ELP4: variants seen among roughly 807,000 people sequenced by gnomAD.
The protein encoded by ELP4 is elongator acetyltransferase complex subunit 4.
Under a neutral mutation model 48.9 loss-of-function variants are expected in ELP4, and 51 were observed. The ratio of observed to expected loss-of-function variants is 1.04; its 90% confidence interval spans 0.83 to 1.32. The LOEUF is 1.32. Among genes scored for constraint, ELP4 ranks in the 40% most tolerant of loss-of-function variants. The pLI, the probability that ELP4 is intolerant of heterozygous loss-of-function variation, is 0.00. For missense variants in ELP4, 519 were observed against 514.6 expected (o/e 1.01, Z -0.08); for synonymous variants, 210 against 189.2 (o/e 1.11, Z -0.90).
At chr11:31,530,801 C>A (rs563670418) in intron 2 of ELP4, among the ~76,000 whole-genome samples, 1 of 152,244 alleles carries the variant, frequency 6.6e-6, no homozygotes, top group African/African-American at 2.4e-5. Context: ...ATACTTTCAG[C>A]TCCCTTCACC....
intron 2 of ELP4, among the ~76,000 whole-genome samples, chr11:31,533,520 T>C (rs918464503): frequency 9.3e-5 from 14 of 150,336 alleles, no homozygotes; most frequent in African/African-American, 2.7e-4. Context: ...TGGGACTACA[T>C]GCGCCGGCCA....
At chr11:31,567,492 C>T (rs893500195) in intron 3 of ELP4, among the ~76,000 whole-genome samples, 2 of 152,054 alleles carry the variant, frequency 1.3e-5, no homozygotes, top group African/African-American at 4.8e-5. Context: ...ACCATAATAA[C>T]TTTGTATCTG....
intron 9 of ELP4, among the ~76,000 whole-genome samples, chr11:31,718,049 A>C (rs1457259006): frequency 6.6e-6 from 1 of 152,136 alleles, no homozygotes; most frequent in East Asian, 1.9e-4. Context: ...CACCTGCCTC[A>C]GCCTCCCAAA....
chr11:31,571,805 ATTG>A (rs1463324371), intron 3 of ELP4, among the ~76,000 whole-genome samples: 1 of 152,134 alleles, frequency 6.6e-6, no homozygotes, highest in Non-Finnish European at 1.5e-5. Context: ...TTTTGAAAGG[ATTG>A]TTTTTTCTGA....
intron 9 of ELP4, among the ~76,000 whole-genome samples, chr11:31,726,230 G>A (rs1198258581): frequency 6.6e-6 from 1 of 152,164 alleles, no homozygotes; most frequent in Non-Finnish European, 1.5e-5. Context: ...ATCAAGGACA[G>A]AATTGAAGAC....
At chr11:31,572,166 G>A (rs1957202528) in intron 3 of ELP4, among the ~76,000 whole-genome samples, 1 of 152,170 alleles carries the variant, frequency 6.6e-6, no homozygotes, top group Non-Finnish European at 1.5e-5. Flanking sequence ...TCATCACTTA[G>A]CTAGATCTTC....
chr11:31,741,224 G>T (rs1947439664), intron 9 of ELP4, among the ~76,000 whole-genome samples: 2 of 152,128 alleles, frequency 1.3e-5, no homozygotes, highest in African/African-American at 4.8e-5. Context: ...TTAGTTGTTT[G>T]ATTAGGTAAA....
chr11:31,717,373 T>C (rs993967706), intron 9 of ELP4, among the ~76,000 whole-genome samples: 1 of 152,216 alleles, frequency 6.6e-6, no homozygotes, highest in Non-Finnish European at 1.5e-5. Context: ...CTCAAAGTAT[T>C]ACTTACCTCA....
chr11:31,534,551 A>G (rs963908347), intron 2 of ELP4, among the ~76,000 whole-genome samples: 28 of 152,164 alleles, frequency 1.8e-4, no homozygotes, highest in Admixed American at 5.2e-4. Context: ...TCAGCCTTAA[A>G]CATGTTAGCT....
At chr11:31,700,227 A>T (rs574907167) in intron 9 of ELP4, among the ~76,000 whole-genome samples, 182 of 144,624 alleles carry the variant, frequency 1.3e-3, no homozygotes, top group South Asian at 4.2e-3. Flanking sequence ...CTATTTTTTT[A>T]AAAAAAAAGA....
intron 3 of ELP4, among the ~76,000 whole-genome samples, chr11:31,577,400 A>G (rs187458205): frequency 1.6e-3 from 245 of 152,252 alleles, no homozygotes; most frequent in Middle Eastern, 6.8e-3. Context: ...ATTCCAATCA[A>G]TAGAAAAAGA....
intron 9 of ELP4, among the ~76,000 whole-genome samples, chr11:31,776,405 G>A (rs763414774): frequency 1.8e-4 from 28 of 152,166 alleles, no homozygotes; most frequent in African/African-American, 4.6e-4. Flanking sequence ...TAACTTAGTC[G>A]CTCAGCCTCT....
intron 2 of ELP4, among the ~76,000 whole-genome samples, chr11:31,521,697 G>C (rs956182472): frequency 1.3e-5 from 2 of 152,022 alleles, no homozygotes; most frequent in Non-Finnish European, 2.9e-5. Context: ...TATTTCACAT[G>C]ATCAGCATTT....
At position 31,789,912 on chromosome 11, in the gene ELP4, C is replaced by CTT. The variant is rs759391101; in HGVS notation, c.*6410_*6411dup. 4.3e-3 allele frequency: 4,441 copies of CTT among 1,039,542 alleles called. 12 individuals carry two copies. Among genetic ancestry groups the CTT allele is most frequent in the African/African-American group, 1.0e-2 (459 of 46,068 alleles). 64.4% of individuals were successfully genotyped at this position (1,039,542 alleles called of 1,614,324 possible). A position where few individuals can be genotyped will look rare whatever the true frequency, so the allele number is the denominator to read the frequency against. Reference sequence around the variant, plus strand: ...CTGAATTAACACAATATTTCCTTTCCTTTTTTTTTTTTTTTTTTTTTTTAC... The same window carrying CTT: ...CTGAATTAACACAATATTTCCTTTCCTTTTTTTTTTTTTTTTTTTTTTTTTAC... On this transcript the variant is annotated 3_prime_UTR_variant, in exon 10 of 10. Coordinates refer to ENST00000640961, the MANE Select transcript of ELP4 (RefSeq NM_019040.5).
At chr11:31,586,236 A>AT (rs1332974400) in intron 3 of ELP4, among the ~76,000 whole-genome samples, 5 of 152,226 alleles carry the variant, frequency 3.3e-5, no homozygotes. Context: ...ACTGTCAAAC[A>AT]TATACCTAAC....
At chr11:31,766,409 G>A (rs1418855679) in intron 9 of ELP4, among the ~76,000 whole-genome samples, 1 of 152,022 alleles carries the variant, frequency 6.6e-6, no homozygotes, top group Non-Finnish European at 1.5e-5. Flanking sequence ...CAGGGTGTTG[G>A]AATATAGTGT....
intron 3 of ELP4, among the ~76,000 whole-genome samples, chr11:31,550,657 T>TG (rs746984297): frequency 3.9e-5 from 6 of 152,200 alleles, no homozygotes; most frequent in Admixed American, 2.6e-4. Context: ...GGGCACATAA[T>TG]GATTTTCCAT....
chr11:31,649,240 A>G (rs571458141), intron 8 of ELP4: 1 of 151,826 alleles, frequency 6.6e-6, no homozygotes, highest in East Asian at 1.9e-4. Flanking sequence ...TTCTGTAAGT[A>G]AGATTTGTCT....
At chr11:31,596,061 A>G (rs1379785630) in intron 4 of ELP4, among the ~76,000 whole-genome samples, 1 of 151,996 alleles carries the variant, frequency 6.6e-6, no homozygotes, top group Non-Finnish European at 1.5e-5. Flanking sequence ...TTCCATACTA[A>G]TTTTCTGCTT....
Sources: allele counts gnomAD v4.1 joint callset (sites outside exome capture counted in the v4.1 genomes callset), GRCh38; gene constraint gnomAD v4.1.1; transcripts MANE v1.5; gene names NCBI Gene and HGNC (gene_info 2026-07-23, HGNC 2026-07-21).